ZFAT: variants seen among roughly 807,000 people sequenced by gnomAD.
The protein encoded by ZFAT is zinc finger and AT-hook domain containing.
A neutral mutation model predicts 117.7 loss-of-function variants in ZFAT; 64 were observed. The ratio of observed to expected loss-of-function variants is 0.54; its 90% CI spans 0.44 to 0.67. The LOEUF is 0.67. Among genes scored for constraint, ZFAT ranks in the 30% least tolerant of loss-of-function variants. The pLI, the probability that ZFAT is intolerant of heterozygous loss-of-function variation, is 0.00. For missense variants in ZFAT, 1,433 were observed against 1,584.5 expected (o/e 0.90, Z 1.62); for synonymous variants, 679 against 615.0 (o/e 1.10, Z -1.54).
At chr8:134,755,376 G>A in the ZFAT span, among the ~76,000 whole-genome samples, 3 of 145,062 alleles carry the variant, frequency 2.1e-5, no homozygotes, top group East Asian at 4.0e-4. Flanking sequence ...TCGTGTCTCT[G>A]CACTCCAGCC....
At chr8:134,589,682 G>C (rs1459341631) in intron 8 of ZFAT, among the ~76,000 whole-genome samples, 1 of 152,188 alleles carries the variant, frequency 6.6e-6, no homozygotes, top group Non-Finnish European at 1.5e-5. Context: ...CCCTCGGCCA[G>C]GCTGGAAGCT....
At chr8:134,537,123 A>C (rs1460515304) in intron 11 of ZFAT, among the ~76,000 whole-genome samples, 3 of 152,206 alleles carry the variant, frequency 2.0e-5, no homozygotes, top group Non-Finnish European at 4.4e-5. Context: ...ATAGCTCTAA[A>C]TGTTTTGCAT....
chr8:134,601,148 A>G (rs1223584998), intron 6 of ZFAT, among the ~76,000 whole-genome samples: 2 of 152,316 alleles, frequency 1.3e-5, no homozygotes, highest in Admixed American at 1.3e-4. Flanking sequence ...CTGATATAGT[A>G]GTTGGCCACA....
the ZFAT span, among the ~76,000 whole-genome samples, chr8:134,824,109 T>C: frequency 5.3e-5 from 8 of 152,232 alleles, no homozygotes; most frequent in East Asian, 1.9e-4. Context: ...TACAAAACAA[T>C]GTAATAACTG....
chr8:134,619,842 A>T (rs1038503728), intron 3 of ZFAT, among the ~76,000 whole-genome samples: 1 of 152,136 alleles, frequency 6.6e-6, no homozygotes, highest in South Asian at 2.1e-4. Context: ...CTCGGTGAGG[A>T]GAAGAGGTGA....
the ZFAT span, among the ~76,000 whole-genome samples, chr8:134,771,112 C>G: frequency 1.3e-5 from 2 of 152,218 alleles, no homozygotes; most frequent in African/African-American, 4.8e-5. Flanking sequence ...TCACCCACAC[C>G]TATTCGCACA....
chr8:134,803,208 C>A, the ZFAT span, among the ~76,000 whole-genome samples: 1 of 152,162 alleles, frequency 6.6e-6, no homozygotes, highest in Non-Finnish European at 1.5e-5. Context: ...TTTGAAAAAC[C>A]TTTCAAATTT....
chr8:134,772,393 C>A, the ZFAT span, among the ~76,000 whole-genome samples: 2 of 152,160 alleles, frequency 1.3e-5, 1 homozygote, highest in Non-Finnish European at 2.9e-5. Flanking sequence ...CTTTTGTTGA[C>A]ATGGAGAAAA....
intron 12 of ZFAT, among the ~76,000 whole-genome samples, chr8:134,527,037 G>A (rs1821073559): frequency 6.6e-6 from 1 of 151,750 alleles, no homozygotes; most frequent in East Asian, 2.0e-4. Context: ...GGTCATTCTG[G>A]TTTCTCCGAG....
At chr8:134,564,801 A>G (rs1287494595) in intron 11 of ZFAT, among the ~76,000 whole-genome samples, 1 of 152,204 alleles carries the variant, frequency 6.6e-6, no homozygotes, top group Non-Finnish European at 1.5e-5. Context: ...GCAGTGGCTA[A>G]GCAAGCATTA....
chr8:134,609,991 G>C (rs1365712444), intron 4 of ZFAT, among the ~76,000 whole-genome samples: 2 of 152,222 alleles, frequency 1.3e-5, no homozygotes, highest in Non-Finnish European at 2.9e-5. Flanking sequence ...ATCTATGTCA[G>C]TTTACATCTT....
At chr8:134,659,266 C>G (rs1023849645) in intron 1 of ZFAT, among the ~76,000 whole-genome samples, 10 of 152,292 alleles carry the variant, frequency 6.6e-5, no homozygotes, top group Non-Finnish European at 8.8e-5. Flanking sequence ...CCTCTGCCAC[C>G]CCTTCCAGCC....
At chr8:134,712,813 C>A in intron 1 of ZFAT, 32 bp downstream of exon 1, 2 of 1,215,146 alleles carry the variant, frequency 1.6e-6, no homozygotes, top group South Asian at 1.4e-5. Flanking sequence ...CCACCCCCAC[C>A]CCGTCTCACC....
At chr8:134,498,290 G>A (rs1163636142) in intron 15 of ZFAT, among the ~76,000 whole-genome samples, 1 of 150,474 alleles carries the variant, frequency 6.6e-6, no homozygotes, top group African/African-American at 2.5e-5. Context: ...CCCTGCTGCT[G>A]GTTACACACA....
rs760282818 is a variant in ZFAT at position 134,600,530 on chromosome 8, C to T, written c.2381G>A (p.Ser794Asn). ...CLKRHVIQKH[S>N]NILLKCPTDG... Reference sequence around the variant, plus strand: ...GGTGGGACACTTCAGCAAGATGTTACTGTGTTTCTGAATTACGTGGCGTTT... The same window carrying T: ...GGTGGGACACTTCAGCAAGATGTTATTGTGTTTCTGAATTACGTGGCGTTT... The change falls in exon 7 of 16, where the codon AGT becomes AAT. Residue 794 changes from serine to asparagine, a missense_variant. Ser to Asn is a conservative substitution (Grantham distance 46, BLOSUM62 1). Around this residue, in one of 5 missense-constraint regions of ZFAT, gnomAD observed 49 missense variants for 81.5 expected, o/e 0.60. Transcript: ENST00000377838. 6.2e-7 allele frequency: 1 copy of T among 1,614,160 alleles called. No homozygotes were observed. The highest frequency in any genetic ancestry group is 1.1e-5 in the South Asian group (1 of 91,080).
chr8:134,773,984 A>ATTTGTTTTTTTTTT, the ZFAT span, among the ~76,000 whole-genome samples: 1 of 103,300 alleles, frequency 9.7e-6, no homozygotes, highest in Admixed American at 1.1e-4. Context: ...TTGAGGATTA[A>ATTTGTTTTTTTTTT]TTTTTTTTTT....
chr8:134,489,512 A>G (rs1482726943), intron 15 of ZFAT, among the ~76,000 whole-genome samples: 1 of 151,748 alleles, frequency 6.6e-6, no homozygotes, highest in African/African-American at 2.4e-5. Flanking sequence ...CATTTTCTTC[A>G]CTTGCCCCAC....
At chr8:134,832,124 G>C in the ZFAT span, among the ~76,000 whole-genome samples, 5 of 150,190 alleles carry the variant, frequency 3.3e-5, no homozygotes, top group East Asian at 9.8e-4. Context: ...CAGCGCCAGG[G>C]TGAGGGGCGC....
At chr8:134,674,026 G>A (rs890748020) in intron 1 of ZFAT, among the ~76,000 whole-genome samples, 6 of 152,200 alleles carry the variant, frequency 3.9e-5, no homozygotes, top group African/African-American at 9.6e-5. Flanking sequence ...CAGTGAGAGC[G>A]AAGCAGAAGG....
Sources: gnomAD v4.1 joint callset for allele counts (sites outside exome capture counted in the v4.1 genomes callset) on GRCh38, gnomAD v4.1.1 for gene constraint, gnomAD v4.1.1 regional missense constraint, MANE v1.5 for transcripts, NCBI Gene and HGNC (gene_info 2026-07-23, HGNC 2026-07-21) for gene names.